Variants in SV2C observed in about 807,000 individuals in gnomAD.
The protein encoded by SV2C is solute carrier family 22 member B3.
In SV2C, 49 loss-of-function variants were observed where a neutral mutation model predicts 79.7. That is an observed-to-expected ratio of 0.61 (90% confidence interval 0.49 to 0.78). The LOEUF (loss-of-function observed/expected upper bound fraction) is 0.78, where lower values mean the gene tolerates loss of function less well. Ranked by LOEUF, SV2C falls within the 30% of genes least tolerant of loss-of-function variation. The pLI is 0.00. For missense variants in SV2C, 833 were observed against 912.9 expected, an observed-to-expected ratio of 0.91 and a Z score of 1.13; for synonymous variants, 334 against 333.2, an observed-to-expected ratio of 1.00 and a Z score of -0.03.
intron 1 of SV2C, among the ~76,000 whole-genome samples, chr5:76,121,982 T>C (rs1044263979): frequency 2.0e-4 from 30 of 152,164 alleles, no homozygotes; most frequent in Non-Finnish European, 3.8e-4. Context: ...TTTCACGATA[T>C]TGATTCTTCC....
At chr5:76,179,633 C>T (rs1380378538) in intron 2 of SV2C, among the ~76,000 whole-genome samples, 3 of 152,162 alleles carry the variant, frequency 2.0e-5, no homozygotes, top group African/African-American at 7.2e-5. Context: ...GATCGAGGAG[C>T]CCTCGTGTGA....
chr5:75,863,805 A>G, the SV2C span, among the ~76,000 whole-genome samples: 1 of 151,944 alleles, frequency 6.6e-6, no homozygotes, highest in African/African-American at 2.4e-5. Context: ...ATTAAATGTC[A>G]CTCTTTCCTG....
the SV2C span, among the ~76,000 whole-genome samples, chr5:75,897,400 G>A: frequency 6.6e-6 from 1 of 151,302 alleles, no homozygotes; most frequent in African/African-American, 2.5e-5. Flanking sequence ...TTATTTCTGA[G>A]GGCTGTGCTC....
downstream of SV2C, among the ~76,000 whole-genome samples, chr5:76,336,984 C>T (rs184885928): frequency 6.6e-6 from 1 of 152,194 alleles, no homozygotes; most frequent in Non-Finnish European, 1.5e-5. Flanking sequence ...ATGTGAAATT[C>T]CTAATAATCA....
At chr5:76,178,363 A>T (rs1431395010) in intron 2 of SV2C, among the ~76,000 whole-genome samples, 1 of 152,338 alleles carries the variant, frequency 6.6e-6, no homozygotes, top group South Asian at 2.1e-4. Context: ...TCTCCATTCT[A>T]TTACATGTTA....
intron 2 of SV2C, among the ~76,000 whole-genome samples, chr5:76,141,694 T>G (rs1157254724): frequency 1.3e-5 from 2 of 151,518 alleles, no homozygotes; most frequent in Non-Finnish European, 2.9e-5. Context: ...CGTGGTGGTA[T>G]GTGCCTGTAG....
chr5:76,077,219 T>C, the SV2C span, among the ~76,000 whole-genome samples: 1 of 152,082 alleles, frequency 6.6e-6, no homozygotes, highest in Non-Finnish European at 1.5e-5. Flanking sequence ...TCTCGATCTA[T>C]TTTCTGGATT....
At chr5:76,348,223 G>C (rs577328437) in intron 12 of SV2C, among the ~76,000 whole-genome samples, 1 of 151,946 alleles carries the variant, frequency 6.6e-6, no homozygotes, top group Non-Finnish European at 1.5e-5. Flanking sequence ...TGCATATAAG[G>C]TTCCTCCATG....
intron 4 of SV2C, among the ~76,000 whole-genome samples, chr5:76,245,215 A>C (rs1204305524): frequency 6.6e-6 from 1 of 152,188 alleles, no homozygotes; most frequent in Non-Finnish European, 1.5e-5. Context: ...GTCACTGTTA[A>C]TTCCTCAATG....
chr5:76,245,884 C>T (rs1256260554), intron 4 of SV2C, among the ~76,000 whole-genome samples: 1 of 150,992 alleles, frequency 6.6e-6, no homozygotes, highest in African/African-American at 2.5e-5. Context: ...AAAACAGGAA[C>T]TCTAGTTCCA....
intron 2 of SV2C, among the ~76,000 whole-genome samples, chr5:76,177,365 G>C (rs1177008838): frequency 6.6e-6 from 1 of 151,444 alleles, no homozygotes; most frequent in Non-Finnish European, 1.5e-5. Flanking sequence ...ACCTAGAATC[G>C]CAGATAGTAC....
the SV2C span, among the ~76,000 whole-genome samples, chr5:76,018,277 A>G: frequency 4.6e-5 from 7 of 152,112 alleles, no homozygotes; most frequent in South Asian, 2.1e-4. Context: ...TCAGTTCTCT[A>G]TTTATTTCAT....
At chr5:75,897,343 G>T in the SV2C span, among the ~76,000 whole-genome samples, 12 of 151,928 alleles carry the variant, frequency 7.9e-5, no homozygotes, top group African/African-American at 2.7e-4. Context: ...CTCATTGCTT[G>T]TTTTTGTCAG....
intron 12 of SV2C, among the ~76,000 whole-genome samples, chr5:76,344,864 T>C (rs1447494230): frequency 6.6e-6 from 1 of 152,244 alleles, no homozygotes; most frequent in African/African-American, 2.4e-5. Context: ...GTGGGTATAT[T>C]ATTATCCTCA....
chr5:75,985,568 C>T, the SV2C span, among the ~76,000 whole-genome samples: 1 of 151,878 alleles, frequency 6.6e-6, no homozygotes, highest in African/African-American at 2.4e-5. Context: ...CAAACATAAG[C>T]TGCTTAATGA....
chr5:76,020,424 A>G, the SV2C span, among the ~76,000 whole-genome samples: 4 of 152,134 alleles, frequency 2.6e-5, no homozygotes, highest in Non-Finnish European at 5.9e-5. Context: ...GTGCTCTACT[A>G]TTGTAGAGAA....
the SV2C span, among the ~76,000 whole-genome samples, chr5:75,937,122 A>G: frequency 6.6e-6 from 1 of 152,246 alleles, no homozygotes; most frequent in African/African-American, 2.4e-5. Flanking sequence ...AAAAACATTG[A>G]GAATTAAAGT....
At chr5:76,102,801 A>G (rs1485117218) in intron 1 of SV2C, among the ~76,000 whole-genome samples, 1 of 152,184 alleles carries the variant, frequency 6.6e-6, no homozygotes, top group African/African-American at 2.4e-5. Flanking sequence ...GAATAAATAT[A>G]CGTTATTAAT....
chr5:75,879,182 T>A, the SV2C span, among the ~76,000 whole-genome samples: 1 of 152,010 alleles, frequency 6.6e-6, no homozygotes, highest in Non-Finnish European at 1.5e-5. Context: ...AGATTTGGAG[T>A]GGACAAATAT....
Sources: gnomAD v4.1 joint callset for allele counts (sites outside exome capture counted in the v4.1 genomes callset) on GRCh38, gnomAD v4.1.1 for gene constraint, MANE v1.5 for transcripts, NCBI Gene and HGNC (gene_info 2026-07-23, HGNC 2026-07-21) for gene names.